PIK3R6: variants seen among roughly 807,000 people sequenced by gnomAD.
The protein encoded by PIK3R6 is phosphoinositide 3-kinase regulatory subunit 6.
PIK3R6 carries 91 observed loss-of-function variants against 84.9 expected under a neutral mutation model. The observed-to-expected ratio is 1.07, with a 90% CI of 0.90 to 1.28. PIK3R6 has a LOEUF of 1.28. Among genes scored for constraint, PIK3R6 ranks in the 50% most tolerant of loss-of-function variants. PIK3R6 has a pLI of 0.00. For synonymous variants in PIK3R6, 416 were observed against 411.4 expected, an observed-to-expected ratio of 1.01 and a Z score of -0.13; for missense variants, 996 against 985.1, an observed-to-expected ratio of 1.01 and a Z score of -0.15.
chr17:8,819,270 A>G (rs2087641081), intron 17 of PIK3R6, 72 bp from the exon 18 acceptor site: 1 of 1,161,554 alleles, frequency 8.6e-7, no homozygotes, highest in African/African-American at 1.5e-5. Flanking sequence ...AGGTCTCAAG[A>G]TCTCCAGGAA....
rs745909816 is a variant in PIK3R6, at chr17:8,835,476, G to A, written c.462-20C>T. ...AACACTCTGAGGGCAGAAGCAGAGGGGAGAGGTGGGATTGATAGTAACTAA... is the reference window on the plus strand; with the variant it reads ...AACACTCTGAGGGCAGAAGCAGAGGAGAGAGGTGGGATTGATAGTAACTAA... On this transcript the variant is annotated intron_variant, in intron 7 of 19. Transcript: ENST00000619866. 8 of 1,526,428 alleles carry A rather than the reference G, an allele frequency of 5.2e-6. No individual in the cohort carries two copies. The East Asian group carries it at 1.4e-4, about 26-fold the overall frequency. 94.6% of individuals were successfully genotyped at this position (1,526,428 alleles called of 1,614,324 possible).
Position 8,832,943 on chromosome 17 carries a change from T to G in PIK3R6, c.748A>C (p.Arg250=), listed in dbSNP as rs1335210962. ...AGCGAGCAGTAAATCTCCTCCAGCC[T>G]CTCTACGTGTCCCTCCCGGCTCGGG... ...ASPSREGHVE[R]LEEIYCSLLG... The change falls in exon 9 of 20, where the codon AGG becomes CGG. Residue 250 remains arginine (R), a synonymous_variant. Coordinates refer to ENST00000619866, the MANE Select transcript of PIK3R6 (RefSeq NM_001010855.4). The G allele has an allele frequency of 6.2e-7, 1 of 1,612,988 alleles. No homozygotes were observed. Among genetic ancestry groups the G allele is most frequent in the African/African-American group, 1.3e-5 (1 of 75,050 alleles).
rs150830895 is a variant in PIK3R6, at chr17:8,827,742, GGAGA to G, written c.1392+366_1392+369del. 1.8e-4 allele frequency among the ~76,000 whole-genome samples: 16 copies of G among 90,926 alleles called. No individual in the cohort carries two copies. The East Asian group carries it at 2.5e-3, about 14-fold the overall frequency. 59.7% of individuals were successfully genotyped at this position (90,926 alleles called of 152,430 possible). A position where few individuals can be genotyped will look rare whatever the true frequency, so the allele number is the denominator to read the frequency against. ...TGTGTATGAGAGAGGGGAGGGAAGG[GGAGA>G]GAGAGAGAGAGAGAGAGGAGAGAGA... is the stretch of plus-strand genomic sequence containing the variant. On this transcript the variant is annotated intron_variant, in intron 12 of 19. Coordinates refer to ENST00000619866, the MANE Select transcript of PIK3R6 (RefSeq NM_001010855.4).
intron 13 of PIK3R6, among the ~76,000 whole-genome samples, chr17:8,824,036 G>T (rs1018578597): frequency 1.3e-5 from 2 of 152,206 alleles, no homozygotes; most frequent in African/African-American, 4.8e-5. Context: ...TTGGGAGGCT[G>T]AGGTGGGCGG....
intron 1 of PIK3R6, among the ~76,000 whole-genome samples, chr17:8,852,867 C>T (rs1451348774): frequency 6.6e-6 from 1 of 151,996 alleles, no homozygotes; most frequent in Non-Finnish European, 1.5e-5. Context: ...ATTAGTATAG[C>T]CTTTCTGGGT....
Position 8,842,305 on chromosome 17 carries a change from A to G in PIK3R6, c.14-2608T>C, listed in dbSNP as rs1307391000. Among the ~76,000 whole-genome samples the G allele has an allele frequency of 1.3e-5, 2 of 152,206 alleles. No individual in the cohort carries two copies. The highest frequency in any genetic ancestry group is 4.1e-4 in the South Asian group (2 of 4,828). ...CTGAGCCACGCCTCCCAGCCAAAAT[A>G]CACGGTATGGTAGTGGTTCTAAAGC... On this transcript the variant is annotated intron_variant, in intron 2 of 19. Coordinates refer to ENST00000619866, the MANE Select transcript of PIK3R6 (RefSeq NM_001010855.4). The surrounding 1 kb of genome is among the most constrained non-coding windows in gnomAD (Gnocchi z 4.5).
chr17:8,828,238 TCAAA>T (rs1189868112), intron 11 of PIK3R6, 48 bp from the exon 12 acceptor site: 10 of 1,558,408 alleles, frequency 6.4e-6, no homozygotes, highest in Non-Finnish European at 8.9e-6. Flanking sequence ...GGGCTTGGCT[TCAAA>T]CAGACTCGGC....
rs980764025 is a variant in PIK3R6 at position 8,833,855 on chromosome 17, G to A, written c.646-810C>T. Among the ~76,000 whole-genome samples, 51 of 151,774 alleles carry A rather than the reference G, an allele frequency of 3.4e-4. No homozygotes were observed. The Middle Eastern group carries it at 0.014, about 40-fold the overall frequency. On this transcript the variant is annotated intron_variant, in intron 8 of 19. Transcript: ENST00000619866. Reference sequence around the variant, plus strand: ...GCGCTTGGCCGAAAGTGACTTTTAGGTAAAGACTTGAAGTGAAAGAGTGAG... The same window carrying A: ...GCGCTTGGCCGAAAGTGACTTTTAGATAAAGACTTGAAGTGAAAGAGTGAG...
intron 13 of PIK3R6, 85 bp from the exon 14 acceptor site, chr17:8,823,582 C>CACTACAT (rs2087817333): frequency 1.1e-6 from 1 of 915,608 alleles, no homozygotes; most frequent in South Asian, 1.5e-5. Flanking sequence ...AAACTTCAAG[C>CACTACAT]CCCTACATCT....
intron 13 of PIK3R6, among the ~76,000 whole-genome samples, chr17:8,823,819 T>G (rs553993551): frequency 4.0e-5 from 6 of 151,706 alleles, no homozygotes; most frequent in African/African-American, 1.2e-4. Flanking sequence ...GACCCAGGAG[T>G]GGGTTCTAGG....
In PIK3R6 at chr17:8,842,419, C is replaced by T. The variant is rs1326862134; in HGVS notation, c.14-2722G>A. ...CATCAGTCCAAGGCATTTCCACTGA[C>T]CCTTCTTCCTTTTCTCCTTCATTTG... On this transcript the variant is annotated intron_variant, in intron 2 of 19. Transcript: ENST00000619866. The surrounding 1 kb of genome is among the most constrained non-coding windows in gnomAD (Gnocchi z 4.5). Among the ~76,000 whole-genome samples the T allele has an allele frequency of 6.6e-6, 1 of 152,098 alleles. No homozygotes were observed. Among genetic ancestry groups the T allele is most frequent in the African/African-American group, 2.4e-5 (1 of 41,414 alleles).
chr17:8,828,000 A>T (rs938500959), intron 12 of PIK3R6, 112 bp downstream of exon 12: 13 of 1,122,144 alleles, frequency 1.2e-5, no homozygotes, highest in Non-Finnish European at 1.7e-5. Context: ...CATTCTAAGG[A>T]TGCTTACTCT....
Position 8,828,570 on chromosome 17 carries a change from A to T in PIK3R6, c.1310T>A (p.Leu437His), listed in dbSNP as rs773968962. 4.3e-6 allele frequency: 7 copies of T among 1,612,052 alleles called. No individual in the cohort carries two copies. In the African/African-American group the frequency reaches 6.7e-5, roughly 15 times the overall value. The change falls in exon 11 of 20, where the codon CTC becomes CAC. Residue 437 changes from leucine to histidine, a missense_variant. Leu to His is a moderately conservative substitution (Grantham distance 99). Transcript: ENST00000619866. ...LGRLAQAYHR[L>H]RKRETQKFCL... ...AGCCCCCACGTCGGGGCCCCACCTG[A>T]GTCTGTGGTAGGCCTGGGCCAGGCG...
At chr17:8,836,407 G>T in intron 7 of PIK3R6, 140 bp downstream of exon 7, 1 of 882,182 alleles carries the variant, frequency 1.1e-6, no homozygotes, top group South Asian at 1.6e-5. Context: ...CCCCACTGCT[G>T]GACAAATATC....
At chr17:8,831,465 C>T (rs188228675) in intron 9 of PIK3R6, among the ~76,000 whole-genome samples, 46 of 151,960 alleles carry the variant, frequency 3.0e-4, no homozygotes, top group African/African-American at 1.1e-3. Flanking sequence ...TAGCAAGGGG[C>T]CACAAGGGGA....
At chr17:8,828,326 A>G in intron 11 of PIK3R6, 136 bp from the exon 12 acceptor site, 1 of 1,001,172 alleles carries the variant, frequency 1.0e-6, no homozygotes, top group Non-Finnish European at 1.5e-6. Context: ...CATCTACAAA[A>G]TGGGTACAGT....
chr17:8,822,052 CTTTTTT>C (rs546514771), intron 16 of PIK3R6, 116 bp from the exon 17 acceptor site: 712 of 411,640 alleles, frequency 1.7e-3, no homozygotes, highest in South Asian at 2.5e-3. Context: ...CTGTGAGAGT[CTTTTTT>C]TTTTTTTTTT....
rs191356650 is a variant in PIK3R6, at chr17:8,822,296, T to C, written c.1788+291A>G. Among the ~76,000 whole-genome samples, 31 of 152,052 alleles carry C rather than the reference T, an allele frequency of 2.0e-4. No homozygotes were observed. In the East Asian group the frequency reaches 5.8e-3, roughly 28 times the overall value. On this transcript the variant is annotated intron_variant, in intron 16 of 19. Transcript: ENST00000619866. Reference sequence around the variant, plus strand: ...AGCCTTCCAGACCCCAAAGAATAAATCTCCAGTGAAATCAGTTCAAGCCTC... The same window carrying C: ...AGCCTTCCAGACCCCAAAGAATAAACCTCCAGTGAAATCAGTTCAAGCCTC...
intron 18 of PIK3R6, among the ~76,000 whole-genome samples, chr17:8,806,267 T>C (rs572861146): frequency 5.0e-4 from 76 of 152,344 alleles, no homozygotes; most frequent in African/African-American, 1.7e-3. Flanking sequence ...TGTGACCCAC[T>C]GAAGCCTGCA....
Sources: allele counts gnomAD v4.1 joint callset (sites outside exome capture counted in the v4.1 genomes callset), GRCh38; gene constraint gnomAD v4.1.1; non-coding constraint Gnocchi (gnomAD v3.1); transcripts MANE v1.5; gene names NCBI Gene and HGNC (gene_info 2026-07-23, HGNC 2026-07-21).